The following RYR3 variants were observed in gnomAD, a reference collection of about 807,000 sequenced individuals.
RYR3 encodes ryanodine receptor 3, also known as brain ryanodine receptor-calcium release channel.
In RYR3, 207 loss-of-function variants were observed where a neutral mutation model predicts 584.3. The observed-to-expected ratio is 0.35, with a 90% CI of 0.32 to 0.40. The LOEUF (loss-of-function observed/expected upper bound fraction) is 0.40. Among genes scored for constraint, RYR3 ranks in the 10% least tolerant of loss-of-function variants. The pLI is 1.00. For synonymous variants in RYR3, 2,416 were observed against 2,248.5 expected (o/e 1.07, Z -2.11); for missense variants, 5,616 against 6,089.2 (o/e 0.92, Z 2.59).
At chr15:33,610,746 G>C (rs2060140530) in intron 18 of RYR3, among the ~76,000 whole-genome samples, 2 of 152,128 alleles carry the variant, frequency 1.3e-5, no homozygotes, top group Non-Finnish European at 2.9e-5. Flanking sequence ...TGCATAATAA[G>C]ATACCTTGGA....
At chr15:33,514,443 A>G (rs1193815650) in intron 3 of RYR3, among the ~76,000 whole-genome samples, 2 of 152,118 alleles carry the variant, frequency 1.3e-5, no homozygotes, top group African/African-American at 4.8e-5. Context: ...GTTTCTTCTA[A>G]GGAACAGCCT....
At chr15:33,427,674 TTATG>T (rs2044759950) in intron 1 of RYR3, among the ~76,000 whole-genome samples, 1 of 152,224 alleles carries the variant, frequency 6.6e-6, no homozygotes, top group African/African-American at 2.4e-5. Context: ...AAATGAATAT[TTATG>T]CACCTGTGCA....
chr15:33,658,645 G>A (rs929294267), intron 32 of RYR3, among the ~76,000 whole-genome samples: 2 of 152,184 alleles, frequency 1.3e-5, no homozygotes, highest in African/African-American at 4.8e-5. Context: ...TTCAGTTGGT[G>A]GAATTAAAGT....
chr15:33,853,269 C>T, intron 95 of RYR3, among the ~76,000 whole-genome samples, 182 bp downstream of exon 95: 1 of 152,192 alleles, frequency 6.6e-6, no homozygotes, highest in Middle Eastern at 3.2e-3. Flanking sequence ...CATTCATATA[C>T]TCATCTGCCT....
At chr15:33,589,754 C>T (rs1425684338) in intron 16 of RYR3, among the ~76,000 whole-genome samples, 1 of 152,174 alleles carries the variant, frequency 6.6e-6, no homozygotes, top group Admixed American at 6.5e-5. Context: ...TTGACTTTGT[C>T]AGAAATCAGT....
At chr15:33,389,647 G>T (rs974704218) in intron 1 of RYR3, among the ~76,000 whole-genome samples, 1 of 152,138 alleles carries the variant, frequency 6.6e-6, no homozygotes, top group Non-Finnish European at 1.5e-5. Context: ...AAAAATATTT[G>T]TCCTGTGTTT....
Position 33,726,588 on chromosome 15 carries a change from G to T in RYR3, c.7033+82G>T, listed in dbSNP as rs546276481. 1.2e-5 allele frequency: 17 copies of T among 1,422,130 alleles called. No homozygotes were observed. The East Asian group carries it at 4.1e-4, about 35-fold the overall frequency. The allele number at this position is 1,422,130 out of a possible 1,614,324, so 88.1% of individuals were successfully genotyped here. On this transcript the variant is annotated intron_variant, in intron 46 of 103. Transcript: ENST00000634891. ...GCAGGACTCTGTCCCCAGCACAGTG[G>T]CCCCCAGGCCCTGACTTGCAGGGCG...
At chr15:33,341,261 A>G (rs536521795) in intron 1 of RYR3, among the ~76,000 whole-genome samples, 132 of 151,912 alleles carry the variant, frequency 8.7e-4, no homozygotes, top group Non-Finnish European at 1.5e-3. Context: ...CTGATCTCGA[A>G]CCTCTGACCT....
intron 43 of RYR3, among the ~76,000 whole-genome samples, chr15:33,721,621 T>C (rs1385512922): frequency 6.6e-6 from 1 of 152,142 alleles, no homozygotes; most frequent in Non-Finnish European, 1.5e-5. Flanking sequence ...AGGGATAAAT[T>C]CTCAGACACA....
chr15:33,323,849 C>G (rs960286124), intron 1 of RYR3, among the ~76,000 whole-genome samples: 2 of 152,140 alleles, frequency 1.3e-5, no homozygotes, highest in African/African-American at 4.8e-5. Context: ...TTGTTCATAT[C>G]CTGGTGAGGC....
chr15:33,840,609 G>C (rs1464994034), intron 89 of RYR3: 2 of 593,878 alleles, frequency 3.4e-6, no homozygotes, highest in Non-Finnish European at 6.0e-6. Context: ...TTATAGAAGG[G>C]AGGTTGAGTT....
At chr15:33,796,901 A>T (rs892144508) in intron 67 of RYR3, among the ~76,000 whole-genome samples, 1 of 152,210 alleles carries the variant, frequency 6.6e-6, no homozygotes, top group African/African-American at 2.4e-5. Context: ...ATACATATAT[A>T]CACACACAGT....
Position 33,768,856 on chromosome 15 carries a change from T to G in RYR3, c.8755+149T>G, listed in dbSNP as rs562609201. ...CATAGAAAATTGATCTGAAGCATGATAAATGACCTCTTTACCCTTTTAACT... is the reference window on the plus strand; with the variant it reads ...CATAGAAAATTGATCTGAAGCATGAGAAATGACCTCTTTACCCTTTTAACT... On this transcript the variant is annotated intron_variant, in intron 61 of 103. Coordinates refer to ENST00000634891, the MANE Select transcript of RYR3 (RefSeq NM_001036.6). The G allele has an allele frequency of 5.1e-4, 409 of 801,546 alleles. 1 individual carries two copies. The highest frequency in any genetic ancestry group is 8.0e-4 in the Non-Finnish European group (373 of 466,628). 49.7% of individuals were successfully genotyped at this position (801,546 alleles called of 1,614,324 possible).
At chr15:33,723,574 G>A (rs748817079) in intron 44 of RYR3, among the ~76,000 whole-genome samples, 10 of 152,162 alleles carry the variant, frequency 6.6e-5, no homozygotes, top group South Asian at 4.2e-4. Flanking sequence ...CTCTTTAGAC[G>A]GTTGGCTTTT....
At chr15:33,836,172 A>G (rs1392678224) in intron 87 of RYR3, among the ~76,000 whole-genome samples, 1 of 70,938 alleles carries the variant, frequency 1.4e-5, no homozygotes, top group East Asian at 3.5e-4. Flanking sequence ...TTTTTTTATT[A>G]TTATTTCTTT....
At chr15:33,643,920 A>C (rs1007377416) in intron 27 of RYR3, among the ~76,000 whole-genome samples, 3 of 152,156 alleles carry the variant, frequency 2.0e-5, no homozygotes, top group African/African-American at 7.2e-5. Context: ...GGCTCACTGC[A>C]TTGTTTTGGG....
intron 38 of RYR3, among the ~76,000 whole-genome samples, chr15:33,690,231 G>A (rs1250291065): frequency 1.3e-5 from 2 of 152,214 alleles, no homozygotes; most frequent in Non-Finnish European, 2.9e-5. Flanking sequence ...GCTGAAGAAA[G>A]CCATGCAGCC....
Position 33,811,044 on chromosome 15 carries a change from A to G in RYR3, c.10257+7A>G. 6.2e-7 allele frequency: 1 copy of G among 1,605,042 alleles called. No homozygotes were observed. Among genetic ancestry groups the G allele is most frequent in the Non-Finnish European group, 8.5e-7 (1 of 1,175,816 alleles). ...CTTGCACTTGCAGGAAAAGGTGATG[A>G]CTCAGGACAGCAGTGAGAACTCACA... On this transcript the variant is annotated splice_region_variant and intron_variant, in intron 72 of 103. Coordinates refer to ENST00000634891, the MANE Select transcript of RYR3 (RefSeq NM_001036.6).
At chr15:33,333,766 A>T (rs1216910969) in intron 1 of RYR3, among the ~76,000 whole-genome samples, 1 of 152,222 alleles carries the variant, frequency 6.6e-6, no homozygotes, top group Non-Finnish European at 1.5e-5. Flanking sequence ...CCCTGTTTGC[A>T]GACAACATGT....
Sources: allele counts gnomAD v4.1 joint callset (sites outside exome capture counted in the v4.1 genomes callset), GRCh38; gene constraint gnomAD v4.1.1; transcripts MANE v1.5; gene names NCBI Gene and HGNC (gene_info 2026-07-23, HGNC 2026-07-21).